CYBB: variants seen among roughly 807,000 people sequenced by gnomAD.
The protein encoded by CYBB is cytochrome b-245 beta chain, also known as NADPH oxidase 2.
A neutral mutation model predicts 46.5 loss-of-function variants in CYBB; 5 were observed. The observed-to-expected ratio is 0.11, with a 90% CI of 0.06 to 0.23. The LOEUF (loss-of-function observed/expected upper bound fraction) is 0.23. CYBB is among the 10% of genes least tolerant of loss of function. The pLI is 1.00. For missense variants in CYBB, 307 were observed against 428.3 expected (o/e 0.72, Z 2.50); for synonymous variants, 183 against 156.7 (o/e 1.17, Z -1.26).
intron 2 of CYBB, among the ~76,000 whole-genome samples, chrX:37,782,590 A>G (rs1276625186): frequency 8.9e-6 from 1 of 112,140 alleles, no homozygotes; most frequent in African/African-American, 3.2e-5. Context: ...TCCTAATCAC[A>G]TGTTATGAAA....
chrX:37,791,074 T>G (rs1929188208), intron 3 of CYBB, among the ~76,000 whole-genome samples: 1 of 111,819 alleles, frequency 8.9e-6, no homozygotes, highest in Admixed American at 9.5e-5. Context: ...ACAATAGTAT[T>G]TTTAATGCCA....
chrX:37,792,890 G>C (rs1216203154), intron 4 of CYBB, among the ~76,000 whole-genome samples: 5 of 110,180 alleles, frequency 4.5e-5, no homozygotes, highest in Non-Finnish European at 9.5e-5. Context: ...CTGGCATAGT[G>C]TACGGATTAA....
rs1929243983 is a variant in CYBB, at chrX:37,793,696, G to A, written c.369G>A (p.Val123=). 1.2e-5 allele frequency: 15 copies of A among 1,208,201 alleles called. No individual in the cohort carries two copies. Among genetic ancestry groups the A allele is most frequent in the Non-Finnish European group, 1.6e-5 (14 of 893,183 alleles). ...ACACCATTGCACATCTATTTAATGTGGAATGGTGTGTGAATGCCCGAGTCA... is the reference window on the plus strand; with the variant it reads ...ACACCATTGCACATCTATTTAATGTAGAATGGTGTGTGAATGCCCGAGTCA... ...AIHTIAHLFN[V]EWCVNARVNN... is the part of the protein sequence containing the mutation. Residue 123 remains valine (V), a synonymous_variant, in exon 5 of 13, where the codon GTG becomes GTA. Coordinates refer to ENST00000378588, the MANE Select transcript of CYBB (RefSeq NM_000397.4).
chrX:37,789,550 T>TAAATAAAC (rs1385759356), intron 3 of CYBB, among the ~76,000 whole-genome samples: 2 of 109,129 alleles, frequency 1.8e-5, no homozygotes, highest in African/African-American at 6.7e-5. Flanking sequence ...AATAAATAAA[T>TAAATAAAC]AAACTATAAA....
At chrX:37,807,846 A>G (rs1458362879) in intron 11 of CYBB, among the ~76,000 whole-genome samples, 1 of 111,297 alleles carries the variant, frequency 9.0e-6, no homozygotes, top group East Asian at 2.8e-4. Context: ...CCTCCCCAAG[A>G]CACACACCAG....
intron 7 of CYBB, 119 bp downstream of exon 7, chrX:37,799,203 C>A: frequency 1.5e-6 from 1 of 684,888 alleles, no homozygotes; most frequent in Non-Finnish European, 2.3e-6. Flanking sequence ...TGTCATGGAA[C>A]AGCTAAAACA....
chrX:37,793,746 C>T lies in CYBB; in HGVS notation c.419C>T (p.Ala140Val). 1 of 1,206,950 alleles carries T rather than the reference C, an allele frequency of 8.3e-7. No individual in the cohort carries two copies. Among genetic ancestry groups the T allele is most frequent in the East Asian group, 3.0e-5 (1 of 33,805 alleles). Residue 140 changes from alanine (A) to valine (V), a missense_variant, in exon 5 of 13, where the codon GCA becomes GTA. Physicochemically the swap from Ala to Val is moderately conservative, Grantham distance 64. Transcript: ENST00000378588. ...AATAATTCTGATCCTTATTCAGTAG[C>T]ACTCTCTGAACTTGGAGACAGGCAA... ...RVNNSDPYSV[A>V]LSELGDRQNE... is the part of the protein sequence containing the mutation.
At chrX:37,804,202 C>A in intron 9 of CYBB, 72 bp downstream of exon 9, 1 of 1,056,864 alleles carries the variant, frequency 9.5e-7, no homozygotes. Context: ...CCTCTTCCTC[C>A]ATGTTTTACT....
intron 4 of CYBB, among the ~76,000 whole-genome samples, chrX:37,792,548 A>G (rs1354210251): frequency 9.0e-6 from 1 of 110,952 alleles, no homozygotes; most frequent in African/African-American, 3.3e-5. Flanking sequence ...ATGTATCCAT[A>G]CAATGGATAT....
rs963457464 is a variant in CYBB at position 37,811,074 on chromosome X, G to A, written c.*157G>A. The A allele has an allele frequency of 2.2e-5, 11 of 503,140 alleles. No individual in the cohort carries two copies. The highest frequency in any genetic ancestry group is 3.2e-5 in the Non-Finnish European group (10 of 308,824). 41.5% of individuals were successfully genotyped at this position (503,140 alleles called of 1,213,427 possible). Reference sequence around the variant, plus strand: ...GGAATGTCAAAGATTGTTTGATAGTGATAAGTTACATTTATGTGGAGCTCT... The same window carrying A: ...GGAATGTCAAAGATTGTTTGATAGTAATAAGTTACATTTATGTGGAGCTCT... On this transcript the variant is annotated 3_prime_UTR_variant, in exon 13 of 13. Transcript: ENST00000378588.
At chrX:37,806,678 G>A (rs1204712390) in intron 11 of CYBB, 145 bp downstream of exon 11, 4 of 561,187 alleles carry the variant, frequency 7.1e-6, no homozygotes, top group Non-Finnish European at 1.2e-5. Flanking sequence ...CTCTCATTTA[G>A]TATCGCCACA....
In CYBB at chrX:37,793,692, A is replaced by T. The variant is rs1556467668; in HGVS notation, c.365A>T (p.Asn122Ile). ...SAIHTIAHLF[N>I]VEWCVNARVN... ...ATTCACACCATTGCACATCTATTTA[A>T]TGTGGAATGGTGTGTGAATGCCCGA... Residue 122 changes from asparagine to isoleucine, a missense_variant, in exon 5 of 13, where the codon AAT becomes ATT. Transcript: ENST00000378588. 1 of 1,208,449 alleles carries T rather than the reference A, an allele frequency of 8.3e-7. No homozygotes were observed. Among genetic ancestry groups the T allele is most frequent in the Admixed American group, 2.2e-5 (1 of 45,830 alleles).
At chrX:37,810,228 G>A (rs1331081039) in intron 12 of CYBB, among the ~76,000 whole-genome samples, 64 of 111,889 alleles carry the variant, frequency 5.7e-4, no homozygotes, top group Non-Finnish European at 9.4e-5. Context: ...GTACCCTTCA[G>A]ACTATTGCTT....
In CYBB at chrX:37,810,977, A is replaced by G; in HGVS notation, c.*60A>G. 1 of 1,049,890 alleles carries G rather than the reference A, an allele frequency of 9.5e-7. No homozygotes were observed. The highest frequency in any genetic ancestry group is 1.3e-6 in the Non-Finnish European group (1 of 756,491). 86.5% of individuals were successfully genotyped at this position (1,049,890 alleles called of 1,213,427 possible). ...TGCTGCCAAATGCTCAAATAATGCT[A>G]ATTGATAATATAAATACCCCCTGCT... On this transcript the variant is annotated 3_prime_UTR_variant, in exon 13 of 13. Transcript: ENST00000378588.
At chrX:37,800,064 A>G (rs1929404804) in intron 7 of CYBB, among the ~76,000 whole-genome samples, 1 of 111,419 alleles carries the variant, frequency 9.0e-6, no homozygotes, top group South Asian at 3.7e-4. Context: ...CATATCAGTG[A>G]ATTGGCTCCA....
At position 37,812,767 on chromosome X, in the gene CYBB, C is replaced by A. The variant is rs763343233; in HGVS notation, c.*1850C>A. The A allele has an allele frequency of 2.6e-4, 29 of 111,873 alleles. No individual in the cohort carries two copies. The highest frequency in any genetic ancestry group is 3.4e-4 in the Non-Finnish European group (18 of 53,119). The allele number at this position is 111,873 out of a possible 1,213,427, so 9.2% of individuals were successfully genotyped here. A position where few individuals can be genotyped will look rare whatever the true frequency, so the allele number is the denominator to read the frequency against. On this transcript the variant is annotated 3_prime_UTR_variant, in exon 13 of 13. Transcript: ENST00000378588. ...AATAAGGCCTGCTGTGCGAATATAGCCTTTCTGAAATGTACCAGGATGGTT... is the reference window on the plus strand; with the variant it reads ...AATAAGGCCTGCTGTGCGAATATAGACTTTCTGAAATGTACCAGGATGGTT...
Position 37,811,828 on chromosome X carries a change from T to C in CYBB, c.*911T>C, listed in dbSNP as rs1310822798. On this transcript the variant is annotated 3_prime_UTR_variant, in exon 13 of 13. Coordinates refer to ENST00000378588, the MANE Select transcript of CYBB (RefSeq NM_000397.4). Reference sequence around the variant, plus strand: ...TTGCCTGAAGGGTTCTGCACATTCTTATTTGAAGCATGAAAAAAGAGGGTT... The same window carrying C: ...TTGCCTGAAGGGTTCTGCACATTCTCATTTGAAGCATGAAAAAAGAGGGTT... The C allele has an allele frequency of 1.8e-5, 2 of 111,792 alleles. No individual in the cohort carries two copies. The allele number at this position is 111,792 out of a possible 1,213,427, so 9.2% of individuals were successfully genotyped here.
intron 10 of CYBB, among the ~76,000 whole-genome samples, chrX:37,805,761 A>G (rs1929548259): frequency 9.1e-6 from 1 of 110,184 alleles, no homozygotes; most frequent in Admixed American, 9.7e-5. Context: ...GAGACCTGAA[A>G]CTCTACTTAT....
chrX:37,787,978 CAATAT>C (rs1929108879), intron 3 of CYBB, among the ~76,000 whole-genome samples: 1 of 111,546 alleles, frequency 9.0e-6, no homozygotes, highest in African/African-American at 3.3e-5. Flanking sequence ...TTTTTCCTTT[CAATAT>C]AATATATGTG....
Sources: gnomAD v4.1 joint callset for allele counts (sites outside exome capture counted in the v4.1 genomes callset) on GRCh38, gnomAD v4.1.1 for gene constraint, MANE v1.5 for transcripts, NCBI Gene and HGNC (gene_info 2026-07-23, HGNC 2026-07-21) for gene names.